The following PCDHGB3 variants were observed in gnomAD, a reference collection of about 807,000 sequenced individuals.
PCDHGB3 encodes the protein protocadherin gamma-B3.
A neutral mutation model predicts 59.2 loss-of-function variants in PCDHGB3; 40 were observed. That is an observed-to-expected ratio of 0.68 (90% CI 0.52 to 0.88). PCDHGB3 has a LOEUF of 0.88. Ranked by LOEUF, PCDHGB3 falls within the 40% of genes least tolerant of loss-of-function variation. The pLI is 0.00. For missense variants in PCDHGB3, 1,309 were observed against 1,187.9 expected (o/e 1.10, Z -1.50); for synonymous variants, 581 against 503.6 (o/e 1.15, Z -2.06).
At chr5:141,429,929 T>A (rs2097253197) in intron 1 of PCDHGB3, among the ~76,000 whole-genome samples, 1 of 152,240 alleles carries the variant, frequency 6.6e-6, no homozygotes, top group African/African-American at 2.4e-5. Flanking sequence ...AATAGAATTC[T>A]GGAGTACTTC....
intron 1 of PCDHGB3, among the ~76,000 whole-genome samples, chr5:141,406,157 C>A: frequency 6.6e-6 from 1 of 151,124 alleles, no homozygotes. Flanking sequence ...ACTGCAGTCT[C>A]AATCTCCTGG....
intron 1 of PCDHGB3, among the ~76,000 whole-genome samples, chr5:141,457,594 TA>T (rs1239366532): frequency 6.6e-6 from 1 of 152,250 alleles, no homozygotes; most frequent in Non-Finnish European, 1.5e-5. Flanking sequence ...TCATTTTTGG[TA>T]AAAACTAATT....
chr5:141,431,674 G>A lies in PCDHGB3; in HGVS notation c.2415+58865G>A, dbSNP rs756385496. ...ATTCAGGGACAATATCAACAATAGG[G>A]GAGTTGGACCACGAGGAGTCAGGAT... On this transcript the variant is annotated intron_variant, in intron 1 of 3. Transcript: ENST00000576222. The surrounding 1 kb of genome is among the most constrained non-coding windows in gnomAD (Gnocchi z 4.8). 4 of 1,614,234 alleles carry A rather than the reference G, an allele frequency of 2.5e-6. No individual in the cohort carries two copies. The Admixed American group carries it at 6.7e-5, about 27-fold the overall frequency.
chr5:141,469,603 GTAAAA>G (rs929191572), intron 1 of PCDHGB3, among the ~76,000 whole-genome samples: 9 of 152,038 alleles, frequency 5.9e-5, no homozygotes, highest in Admixed American at 1.3e-4. Context: ...AACAAAATAA[GTAAAA>G]TAAAATAAAT....
rs1163353349 is a variant in PCDHGB3, at chr5:141,489,426, G to C, written c.2416-5381G>C. 6.2e-7 allele frequency: 1 copy of C among 1,614,012 alleles called. No homozygotes were observed. The highest frequency in any genetic ancestry group is 1.3e-5 in the African/African-American group (1 of 74,922). ...TAAAGATGACAGATCTGTTGAGCCGGCGGCTGCAATTGGGCTCTGAGGAGA... is the reference window on the plus strand; with the variant it reads ...TAAAGATGACAGATCTGTTGAGCCGCCGGCTGCAATTGGGCTCTGAGGAGA... On this transcript the variant is annotated intron_variant, in intron 1 of 3. Transcript: ENST00000576222. The surrounding 1 kb of genome is among the most constrained non-coding windows in gnomAD (Gnocchi z 4.5).
At chr5:141,376,364 G>T in intron 1 of PCDHGB3, 1 of 1,614,202 alleles carries the variant, frequency 6.2e-7, no homozygotes, top group Non-Finnish European at 8.5e-7. Flanking sequence ...CTCACTCACT[G>T]CAGACTCGCG....
intron 1 of PCDHGB3, among the ~76,000 whole-genome samples, chr5:141,464,964 A>G (rs1433148254): frequency 6.6e-6 from 1 of 152,030 alleles, no homozygotes; most frequent in Non-Finnish European, 1.5e-5. Flanking sequence ...CTTGTCTTGA[A>G]CTACTGGCTT....
At chr5:141,404,601 T>G (rs2094545274) in intron 1 of PCDHGB3, 2 of 1,614,056 alleles carry the variant, frequency 1.2e-6, no homozygotes, top group Admixed American at 1.7e-5. Context: ...TCATTGAGAC[T>G]GTTTGTTTTG....
At chr5:141,500,184 TTTTATTTATTTA>T (rs58019021) in intron 2 of PCDHGB3, among the ~76,000 whole-genome samples, 197 of 135,960 alleles carry the variant, frequency 1.4e-3, no homozygotes, top group African/African-American at 3.6e-3. Context: ...TCATTTTTAT[TTTTATTTATTTA>T]TTTATTTATT....
intron 1 of PCDHGB3, among the ~76,000 whole-genome samples, chr5:141,386,574 G>A (rs2090626331): frequency 6.6e-6 from 1 of 151,752 alleles, no homozygotes; most frequent in African/African-American, 2.4e-5. Flanking sequence ...GATAGACTCT[G>A]TACAATAGTG....
At chr5:141,482,555 T>C (rs1419129474) in intron 1 of PCDHGB3, among the ~76,000 whole-genome samples, 1 of 116,392 alleles carries the variant, frequency 8.6e-6, no homozygotes, top group African/African-American at 3.8e-5. Context: ...AAAAAGATAA[T>C]GGAGATCTGC....
intron 1 of PCDHGB3, chr5:141,375,289 T>C (rs760342816): frequency 6.2e-7 from 1 of 1,613,842 alleles, no homozygotes; most frequent in South Asian, 1.1e-5. Flanking sequence ...GCAATTATTA[T>C]CGATTAGTGA....
At chr5:141,404,321 T>A (rs764642673) in intron 1 of PCDHGB3, 7 of 1,613,764 alleles carry the variant, frequency 4.3e-6, no homozygotes, top group Non-Finnish European at 3.4e-6. Flanking sequence ...TCAAGCCTCC[T>A]ACTCAGTCTA....
rs766227340 is a variant in PCDHGB3, at chr5:141,476,791, C to T, written c.2416-18016C>T. On this transcript the variant is annotated intron_variant, in intron 1 of 3. Transcript: ENST00000576222. The surrounding 1 kb of genome is among the most constrained non-coding windows in gnomAD (Gnocchi z 7.6). ...TGGACGGAGGGACCCCAGCTCTCTCCGCCAGCCTGCCTATTCACATCAAGG... is the reference window on the plus strand; with the variant it reads ...TGGACGGAGGGACCCCAGCTCTCTCTGCCAGCCTGCCTATTCACATCAAGG... 5.6e-6 allele frequency: 9 copies of T among 1,613,394 alleles called. No homozygotes were observed. Among genetic ancestry groups the T allele is most frequent in the Middle Eastern group, 1.6e-4 (1 of 6,084 alleles).
intron 1 of PCDHGB3, chr5:141,400,548 T>C: frequency 6.2e-7 from 1 of 1,613,656 alleles, no homozygotes; most frequent in South Asian, 1.1e-5. Context: ...ATGTCTATTC[T>C]TTTTCATTAC....
rs994324285 is a variant in PCDHGB3 at position 141,455,094 on chromosome 5, G to A, written c.2416-39713G>A. Among the ~76,000 whole-genome samples the A allele has an allele frequency of 3.3e-5, 5 of 152,104 alleles. No individual in the cohort carries two copies. In the Middle Eastern group the frequency reaches 0.014, roughly 414 times the overall value. ...CCCAAAGTGCTGGGATTACAGGCTT[G>A]AGCCACTGCGCCCGGTGGGTCTAAT... On this transcript the variant is annotated intron_variant, in intron 1 of 3. Coordinates refer to ENST00000576222, the MANE Select transcript of PCDHGB3 (RefSeq NM_018924.5).
chr5:141,447,257 A>G (rs1182682161), intron 1 of PCDHGB3, among the ~76,000 whole-genome samples: 1 of 152,080 alleles, frequency 6.6e-6, no homozygotes, highest in Non-Finnish European at 1.5e-5. Flanking sequence ...CTTCTGTCTC[A>G]GCCTCCCAAG....
At chr5:141,398,896 C>T (rs776008122) in intron 1 of PCDHGB3, 5 of 1,613,946 alleles carry the variant, frequency 3.1e-6, no homozygotes, top group Non-Finnish European at 3.4e-6. Context: ...AAACGTGCCA[C>T]CAGGCACCAC....
At chr5:141,496,838 T>C (rs182118142) in intron 2 of PCDHGB3, among the ~76,000 whole-genome samples, 39 of 150,790 alleles carry the variant, frequency 2.6e-4, no homozygotes, top group African/African-American at 8.3e-4. Flanking sequence ...CCAGAACTCA[T>C]AGGCTTCCAG....
Sources: allele counts gnomAD v4.1 joint callset (sites outside exome capture counted in the v4.1 genomes callset), GRCh38; gene constraint gnomAD v4.1.1; non-coding constraint Gnocchi (gnomAD v3.1); transcripts MANE v1.5; gene names NCBI Gene and HGNC (gene_info 2026-07-23, HGNC 2026-07-21).